The following DNM2 variants were observed in gnomAD, a reference collection of about 807,000 sequenced individuals.
DNM2 encodes dynamin-2.
A neutral mutation model predicts 99.0 loss-of-function variants in DNM2; 15 were observed. That is an observed-to-expected ratio of 0.15 (90% CI 0.10 to 0.23). The LOEUF is 0.23. Among genes scored for constraint, DNM2 ranks in the 10% least tolerant of loss-of-function variants. The pLI is 1.00. For missense variants in DNM2, 742 were observed against 1,189.4 expected, an observed-to-expected ratio of 0.62 and a Z score of 5.53; for synonymous variants, 525 against 481.2, an observed-to-expected ratio of 1.09 and a Z score of -1.19.
At position 10,831,088 on chromosome 19, in the gene DNM2, C is replaced by T. The variant is rs778582014; in HGVS notation, c.*41C>T. Reference sequence around the variant, plus strand: ...TGCTCTCGGGGGGGCCTCACGCACCCGCGGCGCAGGAGCTTCAGTGGTCTG... The same window carrying T: ...TGCTCTCGGGGGGGCCTCACGCACCTGCGGCGCAGGAGCTTCAGTGGTCTG... On this transcript the variant is annotated 3_prime_UTR_variant, in exon 21 of 21. Coordinates refer to ENST00000389253, the MANE Select transcript of DNM2 (RefSeq NM_001005361.3). This position sits in a 1 kb window ranked among gnomAD's most constrained non-coding sequence, Gnocchi z 4.3. 93 of 1,562,222 alleles carry T rather than the reference C, an allele frequency of 6.0e-5. No homozygotes were observed. The highest frequency in any genetic ancestry group is 1.6e-4 in the East Asian group (7 of 42,642).
chr19:10,819,465 C>T (rs2072895653), intron 15 of DNM2, among the ~76,000 whole-genome samples: 1 of 152,150 alleles, frequency 6.6e-6, no homozygotes, highest in Non-Finnish European at 1.5e-5. Context: ...AAGTTCCATT[C>T]ACTTCGTGCA....
At chr19:10,819,109 C>T (rs1425214680) in intron 15 of DNM2, among the ~76,000 whole-genome samples, 3 of 152,158 alleles carry the variant, frequency 2.0e-5, no homozygotes, top group African/African-American at 7.2e-5. Context: ...CTTGGTGCTT[C>T]CTGAACAGGG....
chr19:10,783,905 T>C (rs2071467826), intron 6 of DNM2, among the ~76,000 whole-genome samples: 1 of 152,040 alleles, frequency 6.6e-6, no homozygotes, highest in Non-Finnish European at 1.5e-5. Context: ...TTCACCATGT[T>C]GGCCAGGCTG....
At chr19:10,738,626 T>C (rs8105379) in intron 1 of DNM2, among the ~76,000 whole-genome samples, 150,024 of 152,292 alleles carry the variant, frequency 0.99, 73,899 homozygotes, top group East Asian at 1. Flanking sequence ...CTTTGGGAGG[T>C]TGAGGCGGGT....
intron 13 of DNM2, among the ~76,000 whole-genome samples, chr19:10,806,281 A>G (rs56673061): frequency 0.036 from 5,513 of 152,172 alleles, 444 homozygotes; most frequent in East Asian, 0.36. Flanking sequence ...GCATTTTGGG[A>G]GGCCGAGGTG....
chr19:10,825,431 G>A (rs998169898), intron 18 of DNM2, among the ~76,000 whole-genome samples: 11 of 152,180 alleles, frequency 7.2e-5, no homozygotes, highest in African/African-American at 4.8e-5. Flanking sequence ...AGCACTTTGC[G>A]AGGCCAAGGC....
intron 5 of DNM2, among the ~76,000 whole-genome samples, chr19:10,779,845 G>A (rs2071298083): frequency 6.6e-6 from 1 of 151,820 alleles, no homozygotes; most frequent in Admixed American, 6.6e-5. Context: ...GTAGAGATGG[G>A]GTTTCACCAT....
chr19:10,781,950 C>A (rs1402888213), intron 5 of DNM2, among the ~76,000 whole-genome samples: 5 of 152,094 alleles, frequency 3.3e-5, no homozygotes, highest in Non-Finnish European at 7.4e-5. Flanking sequence ...GACATGAATA[C>A]CCTGATGTAC....
rs5827114 is a variant in DNM2, at chr19:10,778,019, TTTTATTTATTTATTTA to T, written c.688+825_688+840del. The stretch of plus-strand genomic sequence containing the variant: ...CTTCCTGGAATATTTTATTTTTTCA[TTTTATTTATTTATTTA>T]TTTATTTATTTATTTATTTATGAGA... On this transcript the variant is annotated intron_variant, in intron 5 of 20. Coordinates refer to ENST00000389253, the MANE Select transcript of DNM2 (RefSeq NM_001005361.3). Among the ~76,000 whole-genome samples, 451 of 138,240 alleles carry T rather than the reference TTTTATTTATTTATTTA, an allele frequency of 3.3e-3. 1 individual carries two copies. The highest frequency in any genetic ancestry group is 5.0e-3 in the Non-Finnish European group (323 of 64,536). 90.7% of individuals were successfully genotyped at this position (138,240 alleles called of 152,430 possible).
rs138466301 is a variant in DNM2 at position 10,783,482 on chromosome 19, TAAATA to T, written c.849+366_849+370del. ...ACCCTGTTTCAAAAACTTAAATAAC[TAAATA>T]AAAGAAATGTACTTGATTCAGGGTC... On this transcript the variant is annotated intron_variant, in intron 6 of 20. Coordinates refer to ENST00000389253, the MANE Select transcript of DNM2 (RefSeq NM_001005361.3). Among the ~76,000 whole-genome samples, 762 of 152,120 alleles carry T rather than the reference TAAATA, an allele frequency of 5.0e-3. 39 individuals carry two copies. The East Asian group carries it at 0.12, about 24-fold the overall frequency.
chr19:10,772,426 C>T lies in DNM2; in HGVS notation c.236-53C>T, dbSNP rs201009707. On this transcript the variant is annotated intron_variant, in intron 2 of 20. Transcript: ENST00000389253. This position sits in a 1 kb window ranked among gnomAD's most constrained non-coding sequence, Gnocchi z 4.9. ...AAAGCATTTCTCCCCGCAGTCCATGCGCACCCTGCCCACAGCTCTTTCTCA... is the reference window on the plus strand; with the variant it reads ...AAAGCATTTCTCCCCGCAGTCCATGTGCACCCTGCCCACAGCTCTTTCTCA... 4.2e-5 allele frequency: 68 copies of T among 1,608,738 alleles called. No homozygotes were observed. Among genetic ancestry groups the T allele is most frequent in the Middle Eastern group, 1.7e-4 (1 of 6,048 alleles).
Position 10,794,004 on chromosome 19 carries a change from T to C in DNM2, c.1128+149T>C, listed in dbSNP as rs550099889. 4 of 1,262,360 alleles carry C rather than the reference T, an allele frequency of 3.2e-6. No individual in the cohort carries two copies. The East Asian group carries it at 7.2e-5, about 23-fold the overall frequency. The allele number at this position is 1,262,360 out of a possible 1,614,324, so 78.2% of individuals were successfully genotyped here. On this transcript the variant is annotated intron_variant, in intron 8 of 20. Coordinates refer to ENST00000389253, the MANE Select transcript of DNM2 (RefSeq NM_001005361.3). ...GGCAGGGTGTGGCCTGGATGAGGTG[T>C]CCCCATGGGCTTCCTTTTCTGACAC...
chr19:10,761,148 C>T (rs1434844265), intron 2 of DNM2, among the ~76,000 whole-genome samples: 1 of 151,948 alleles, frequency 6.6e-6, no homozygotes, highest in Non-Finnish European at 1.5e-5. Context: ...GTCACCATGT[C>T]TGGCTAATTT....
intron 8 of DNM2, among the ~76,000 whole-genome samples, chr19:10,794,409 T>G (rs2071861527): frequency 6.6e-6 from 1 of 151,276 alleles, no homozygotes; most frequent in Admixed American, 6.6e-5. Context: ...CTGTTTACAA[T>G]GAGCACATAG....
At chr19:10,753,518 T>TC (rs1290998328) in intron 1 of DNM2, among the ~76,000 whole-genome samples, 1 of 150,908 alleles carries the variant, frequency 6.6e-6, no homozygotes, top group Non-Finnish European at 1.5e-5. Context: ...TTTCTTTTTT[T>TC]CTCACTTAGT....
intron 14 of DNM2, chr19:10,809,310 T>G (rs2072458890): frequency 6.6e-6 from 1 of 152,308 alleles, no homozygotes. Context: ...ATGAGGCTCT[T>G]CTGTTCCACT....
At chr19:10,808,875 C>T (rs1431102490) in intron 14 of DNM2, 6 of 383,068 alleles carry the variant, frequency 1.6e-5, no homozygotes, top group East Asian at 4.4e-5. Flanking sequence ...ACTTACACAC[C>T]GCCCCTGCCT....
At chr19:10,754,072 C>T (rs963434248) in intron 1 of DNM2, among the ~76,000 whole-genome samples, 4 of 152,116 alleles carry the variant, frequency 2.6e-5, no homozygotes, top group Admixed American at 2.6e-4. Context: ...TGTTGCTGGG[C>T]TTTAAAATTC....
intron 2 of DNM2, among the ~76,000 whole-genome samples, chr19:10,761,731 AC>A (rs1388280018): frequency 6.6e-6 from 1 of 152,068 alleles, no homozygotes; most frequent in Non-Finnish European, 1.5e-5. Context: ...GGCAGATCTG[AC>A]CTCAACGCCA....
Sources: allele counts gnomAD v4.1 joint callset (sites outside exome capture counted in the v4.1 genomes callset), GRCh38; gene constraint gnomAD v4.1.1; non-coding constraint Gnocchi (gnomAD v3.1); transcripts MANE v1.5; gene names NCBI Gene and HGNC (gene_info 2026-07-23, HGNC 2026-07-21).